Variants in CNOT6 observed in about 807,000 individuals in gnomAD.
CNOT6 encodes carbon catabolite repression 4 protein.
CNOT6 carries 12 observed loss-of-function variants against 61.2 expected under a neutral mutation model. That is an observed-to-expected ratio of 0.20 (90% confidence interval 0.13 to 0.32). The LOEUF (loss-of-function observed/expected upper bound fraction) is 0.32, where lower values mean the gene tolerates loss of function less well. Among genes scored for constraint, CNOT6 ranks in the 10% least tolerant of loss-of-function variants. CNOT6 has a pLI of 1.00. For synonymous variants in CNOT6, 225 were observed against 240.6 expected, an observed-to-expected ratio of 0.94 and a Z score of 0.60; for missense variants, 405 against 663.9, an observed-to-expected ratio of 0.61 and a Z score of 4.28.
chr5:180,528,296 T>G (rs1008649752), intron 1 of CNOT6, among the ~76,000 whole-genome samples: 1 of 152,164 alleles, frequency 6.6e-6, no homozygotes, highest in Non-Finnish European at 1.5e-5. Flanking sequence ...AAATGTTTGA[T>G]TCTTTTATTA....
intron 1 of CNOT6, among the ~76,000 whole-genome samples, chr5:180,509,811 CT>C (rs1757297576): frequency 6.7e-6 from 1 of 149,030 alleles, no homozygotes. Context: ...CTAGTAAGAC[CT>C]TTTTGATACC....
intron 1 of CNOT6, among the ~76,000 whole-genome samples, chr5:180,497,325 CAAAAAAA>C (rs111362029): frequency 7.9e-6 from 1 of 126,138 alleles, no homozygotes; most frequent in Non-Finnish European, 1.6e-5. Flanking sequence ...AACTCCGTCT[CAAAAAAA>C]AAAAAAAAAA....
chr5:180,509,461 G>T (rs147232292), intron 1 of CNOT6, among the ~76,000 whole-genome samples: 171 of 151,860 alleles, frequency 1.1e-3, no homozygotes, highest in African/African-American at 4.0e-3. Flanking sequence ...TTGTCTTTTT[G>T]AGATGGAGTT....
chr5:180,539,812 A>G (rs1758938694), intron 2 of CNOT6, among the ~76,000 whole-genome samples: 1 of 151,954 alleles, frequency 6.6e-6, no homozygotes, highest in Admixed American at 6.6e-5. Context: ...GATGGTCTCC[A>G]TCTCCTGACC....
intron 1 of CNOT6, among the ~76,000 whole-genome samples, chr5:180,515,834 C>G (rs767836787): frequency 6.6e-6 from 1 of 151,698 alleles, no homozygotes; most frequent in Non-Finnish European, 1.5e-5. Flanking sequence ...AGAAGTAAAG[C>G]ACAAAGAATG....
At chr5:180,532,921 A>C (rs1382497702) in intron 2 of CNOT6, among the ~76,000 whole-genome samples, 1 of 152,214 alleles carries the variant, frequency 6.6e-6, no homozygotes, top group African/African-American at 2.4e-5. Context: ...GAAAAAGTGC[A>C]GTGTCCATGC....
intron 1 of CNOT6, among the ~76,000 whole-genome samples, chr5:180,503,224 C>A (rs1247757535): frequency 2.7e-5 from 4 of 150,916 alleles, no homozygotes; most frequent in Non-Finnish European, 5.9e-5. Flanking sequence ...CATTTCAAGC[C>A]AGGACTTGAT....
intron 1 of CNOT6, among the ~76,000 whole-genome samples, chr5:180,513,417 C>T (rs1022362383): frequency 6.6e-6 from 1 of 151,980 alleles, no homozygotes; most frequent in East Asian, 1.9e-4. Context: ...GTCGCCCAGC[C>T]TGGAGTCTGG....
At chr5:180,551,480 C>T (rs148246213) in intron 3 of CNOT6, among the ~76,000 whole-genome samples, 7 of 152,300 alleles carry the variant, frequency 4.6e-5, no homozygotes, top group African/African-American at 1.4e-4. Context: ...TCAAAAGATC[C>T]TCCCATCTTG....
At chr5:180,561,970 T>G (rs1760212382) in intron 4 of CNOT6, among the ~76,000 whole-genome samples, 1 of 152,240 alleles carries the variant, frequency 6.6e-6, no homozygotes, top group Non-Finnish European at 1.5e-5. Flanking sequence ...CGTTTTTTTC[T>G]TTAGTGTTAA....
intron 1 of CNOT6, among the ~76,000 whole-genome samples, chr5:180,499,038 A>C (rs958616220): frequency 6.6e-6 from 1 of 152,058 alleles, no homozygotes; most frequent in Non-Finnish European, 1.5e-5. Context: ...TGATCTGCCC[A>C]CCTTGGCCTC....
chr5:180,541,846 A>G (rs905824656), intron 2 of CNOT6, among the ~76,000 whole-genome samples: 2 of 150,036 alleles, frequency 1.3e-5, no homozygotes, highest in African/African-American at 4.9e-5. Flanking sequence ...ATCCGGCCAG[A>G]GAAATTTTTT....
chr5:180,529,002 A>C (rs1758222424), intron 1 of CNOT6, among the ~76,000 whole-genome samples: 1 of 152,054 alleles, frequency 6.6e-6, no homozygotes, highest in Non-Finnish European at 1.5e-5. Flanking sequence ...TGAGGTCAGG[A>C]GTTCAAGACC....
chr5:180,499,693 G>A (rs1415489239), intron 1 of CNOT6, among the ~76,000 whole-genome samples: 3 of 152,302 alleles, frequency 2.0e-5, no homozygotes, highest in East Asian at 3.9e-4. Context: ...TGATAGAACA[G>A]TTTTACACGT....
At chr5:180,504,237 T>G (rs527761390) in intron 1 of CNOT6, among the ~76,000 whole-genome samples, 1 of 152,344 alleles carries the variant, frequency 6.6e-6, no homozygotes, top group Admixed American at 6.5e-5. Context: ...TCAAATTTTC[T>G]GAAACATTAT....
At chr5:180,557,061 A>T in intron 4 of CNOT6, among the ~76,000 whole-genome samples, 1 of 152,068 alleles carries the variant, frequency 6.6e-6, no homozygotes. Flanking sequence ...TCCTGGTTGC[A>T]TGTATTGATA....
intron 2 of CNOT6, among the ~76,000 whole-genome samples, chr5:180,539,173 C>CA (rs56032920): frequency 0.011 from 1,003 of 93,134 alleles, 28 homozygotes; most frequent in African/African-American, 0.037. Context: ...GACTCCATCT[C>CA]AAAAAAAAAA....
At chr5:180,498,077 AC>A (rs1464380065) in intron 1 of CNOT6, among the ~76,000 whole-genome samples, 1 of 152,110 alleles carries the variant, frequency 6.6e-6, no homozygotes, top group Non-Finnish European at 1.5e-5. Flanking sequence ...TAAACTGTAA[AC>A]ATATACTGTA....
At chr5:180,497,049 C>T (rs967628962) in intron 1 of CNOT6, among the ~76,000 whole-genome samples, 1 of 152,074 alleles carries the variant, frequency 6.6e-6, no homozygotes, top group African/African-American at 2.4e-5. Flanking sequence ...CATTTTATGC[C>T]AGGCGCGGTG....
Sources: gnomAD v4.1 joint callset for allele counts (sites outside exome capture counted in the v4.1 genomes callset) on GRCh38, gnomAD v4.1.1 for gene constraint, MANE v1.5 for transcripts, NCBI Gene and HGNC (gene_info 2026-07-23, HGNC 2026-07-21) for gene names.